The following ANKFY1 variants were observed in gnomAD, a reference collection of about 807,000 sequenced individuals.
The protein encoded by ANKFY1 is ankyrin repeat and FYVE domain-containing protein 1.
Under a neutral mutation model 128.3 loss-of-function variants are expected in ANKFY1, and 47 were observed. The ratio of observed to expected loss-of-function variants is 0.37; its 90% CI spans 0.29 to 0.47. The LOEUF is 0.47. Ranked by LOEUF, ANKFY1 falls within the 20% of genes least tolerant of loss-of-function variation. The pLI, the probability that ANKFY1 is intolerant of heterozygous loss-of-function variation, is 1.00. For synonymous variants in ANKFY1, 553 were observed against 601.6 expected (o/e 0.92, Z 1.18); for missense variants, 1,222 against 1,510.6 (o/e 0.81, Z 3.17).
rs764144399 is a variant in ANKFY1 at position 4,170,909 on chromosome 17, C to T, written c.3140-48G>A. On this transcript the variant is annotated intron_variant, in intron 22 of 24. Transcript: ENST00000341657. ...GGGCTACTTCCCACCCGGCCCAGCCCGGCAGCCACAGACGGAGGGCGGAGG... is the reference window on the plus strand; with the variant it reads ...GGGCTACTTCCCACCCGGCCCAGCCTGGCAGCCACAGACGGAGGGCGGAGG... 1.6e-5 allele frequency: 25 copies of T among 1,611,714 alleles called. No individual in the cohort carries two copies. In the East Asian group the frequency reaches 3.3e-4, roughly 22 times the overall value.
chr17:4,250,190 T>C (rs1384938046), intron 1 of ANKFY1, among the ~76,000 whole-genome samples: 1 of 152,200 alleles, frequency 6.6e-6, no homozygotes, highest in East Asian at 1.9e-4. Flanking sequence ...CATGGTCTCA[T>C]GCATACCCAT....
chr17:4,242,957 G>C (rs1967327535), intron 1 of ANKFY1, among the ~76,000 whole-genome samples: 1 of 152,190 alleles, frequency 6.6e-6, no homozygotes, highest in Admixed American at 6.5e-5. Context: ...AAATCACCTA[G>C]ATTTTTTGAA....
chr17:4,214,083 A>T (rs1459636570), intron 4 of ANKFY1, among the ~76,000 whole-genome samples: 1 of 152,202 alleles, frequency 6.6e-6, no homozygotes, highest in Non-Finnish European at 1.5e-5. Flanking sequence ...TCCTAACACC[A>T]GGCAGCCTAA....
chr17:4,215,456 C>T (rs1336601117), intron 4 of ANKFY1, among the ~76,000 whole-genome samples: 1 of 152,122 alleles, frequency 6.6e-6, no homozygotes, highest in Non-Finnish European at 1.5e-5. Context: ...GCAACGGCTG[C>T]TTCACACTGA....
At chr17:4,236,496 C>T (rs545408236) in intron 2 of ANKFY1, among the ~76,000 whole-genome samples, 4 of 152,318 alleles carry the variant, frequency 2.6e-5, no homozygotes, top group African/African-American at 9.6e-5. Flanking sequence ...CTTTTCAAAA[C>T]ATGTTTCCAT....
chr17:4,207,969 G>C lies in ANKFY1; in HGVS notation c.696C>G (p.Asp232Glu). 1 of 1,608,850 alleles carries C rather than the reference G, an allele frequency of 6.2e-7. No individual in the cohort carries two copies. Among genetic ancestry groups the C allele is most frequent in the Non-Finnish European group, 8.5e-7 (1 of 1,177,838 alleles). ...LHKAIKVERE[D>E]VVFLYLIEMD... ...TTTCAATCAGATACAGGAAGACCAC[G>C]TCTTCTCTCTCCACTTTGATGGCTT... The change falls in exon 6 of 25, where the codon GAC becomes GAG. Residue 232 changes from aspartate to glutamate, a missense_variant. Transcript: ENST00000341657.
chr17:4,232,809 A>G (rs865940498), intron 3 of ANKFY1, among the ~76,000 whole-genome samples: 1 of 152,192 alleles, frequency 6.6e-6, no homozygotes, highest in Non-Finnish European at 1.5e-5. Context: ...TTTTAATTCA[A>G]TGTTAAAATT....
At chr17:4,259,513 C>G (rs997078635) in intron 1 of ANKFY1, among the ~76,000 whole-genome samples, 4 of 152,172 alleles carry the variant, frequency 2.6e-5, no homozygotes, top group Admixed American at 2.6e-4. Flanking sequence ...AACTCCTGAC[C>G]TCAAGTGATC....
chr17:4,171,936 T>C (rs74476560), intron 22 of ANKFY1, among the ~76,000 whole-genome samples: 10,300 of 152,210 alleles, frequency 0.068, 476 homozygotes, highest in South Asian at 0.15. Flanking sequence ...TTTTGCTTTA[T>C]GGGGTTACTT....
At position 4,263,963 on chromosome 17, in the gene ANKFY1, A is replaced by C. The variant is rs1331811917; in HGVS notation, c.-22T>G. 2 of 1,613,862 alleles carry C rather than the reference A, an allele frequency of 1.2e-6. No homozygotes were observed. Among genetic ancestry groups the C allele is most frequent in the East Asian group, 2.2e-5 (1 of 44,878 alleles). On this transcript the variant is annotated 5_prime_UTR_variant, in exon 1 of 25. Transcript: ENST00000341657. ...CCATGTCTGGCCCGGCACTGCCTGC[A>C]ACCTCGCGAGAAGTGCGCGGCTCAA...
At chr17:4,257,997 C>T (rs1968210688) in intron 1 of ANKFY1, among the ~76,000 whole-genome samples, 1 of 152,224 alleles carries the variant, frequency 6.6e-6, no homozygotes, top group African/African-American at 2.4e-5. Context: ...TGTATCTCAG[C>T]ACAATTCAGT....
intron 5 of ANKFY1, 105 bp downstream of exon 5, chr17:4,209,719 G>C: frequency 2.3e-6 from 3 of 1,322,292 alleles, no homozygotes; most frequent in South Asian, 1.5e-5. Flanking sequence ...TGTAACAAGA[G>C]AAAACCAGGT....
chr17:4,167,600 C>G lies in ANKFY1; in HGVS notation c.*179G>C, dbSNP rs2059232430. 1 of 578,558 alleles carries G rather than the reference C, an allele frequency of 1.7e-6. No homozygotes were observed. The highest frequency in any genetic ancestry group is 2.8e-6 in the Non-Finnish European group (1 of 355,284). The allele number at this position is 578,558 out of a possible 1,614,324, so 35.8% of individuals were successfully genotyped here. A position where few individuals can be genotyped will look rare whatever the true frequency, so the allele number is the denominator to read the frequency against. On this transcript the variant is annotated 3_prime_UTR_variant, in exon 25 of 25. Transcript: ENST00000341657. The surrounding 1 kb of genome is among the most constrained non-coding windows in gnomAD (Gnocchi z 4.1). ...AATCGATCACAGTCTGACACACACA[C>G]TGACAATCATATGGAATCATTTGAA...
intron 11 of ANKFY1, among the ~76,000 whole-genome samples, chr17:4,185,315 C>T (rs1291462338): frequency 6.6e-6 from 1 of 152,128 alleles, no homozygotes; most frequent in African/African-American, 2.4e-5. Context: ...AAGCGATTCT[C>T]CTCCCTCAGC....
intron 1 of ANKFY1, among the ~76,000 whole-genome samples, chr17:4,260,046 A>G (rs1371584827): frequency 6.6e-6 from 1 of 152,228 alleles, no homozygotes; most frequent in African/African-American, 2.4e-5. Flanking sequence ...GCAGGGGCAC[A>G]GTGAATGAAA....
chr17:4,177,430 C>T (rs1162351322), intron 18 of ANKFY1, 128 bp from the exon 19 acceptor site: 22 of 792,094 alleles, frequency 2.8e-5, no homozygotes, highest in Non-Finnish European at 4.0e-5. Context: ...AGGAAACCCC[C>T]TCCCAAGAAT....
intron 16 of ANKFY1, chr17:4,180,268 A>G (rs2059486612): frequency 5.8e-6 from 1 of 173,380 alleles, no homozygotes; most frequent in South Asian, 1.3e-4. Flanking sequence ...TCTCTGCTAA[A>G]AACACAAAAA....
chr17:4,258,523 C>CA (rs547310575), intron 1 of ANKFY1, among the ~76,000 whole-genome samples: 5,913 of 89,994 alleles, frequency 0.066, 437 homozygotes, highest in African/African-American at 0.19. Context: ...GACTCCAACT[C>CA]AAAAAAAAAA....
chr17:4,197,444 A>G lies in ANKFY1; in HGVS notation c.1032T>C (p.Ser344=). 2 of 1,614,210 alleles carry G rather than the reference A, an allele frequency of 1.2e-6. No homozygotes were observed. Among genetic ancestry groups the G allele is most frequent in the Non-Finnish European group, 8.5e-7 (1 of 1,180,042 alleles). ...SSKKHSADVM[S]EMAQIAEALL... is the part of the protein sequence containing the mutation. Reference sequence around the variant, plus strand: ...GGGCCTCTGCAATCTGCGCCATCTCAGACATCACATCTGCTGAGTGTTTCT... The same window carrying G: ...GGGCCTCTGCAATCTGCGCCATCTCGGACATCACATCTGCTGAGTGTTTCT... Residue 344 remains serine (S), a synonymous_variant, in exon 8 of 25, where the codon TCT becomes TCC. Coordinates refer to ENST00000341657, the MANE Select transcript of ANKFY1 (RefSeq NM_001330063.2).
Sources: allele counts gnomAD v4.1 joint callset (sites outside exome capture counted in the v4.1 genomes callset), GRCh38; gene constraint gnomAD v4.1.1; non-coding constraint Gnocchi (gnomAD v3.1); transcripts MANE v1.5; gene names NCBI Gene and HGNC (gene_info 2026-07-23, HGNC 2026-07-21).